The following RPS6KA2 variants were observed in gnomAD, a reference collection of about 807,000 sequenced individuals.
RPS6KA2 encodes the protein ribosomal protein S6 kinase A2, also known as ribosomal protein S6 kinase alpha-2.
Under a neutral mutation model 91.8 loss-of-function variants are expected in RPS6KA2, and 42 were observed. That is an observed-to-expected ratio of 0.46 (90% confidence interval 0.36 to 0.59). The LOEUF is 0.59. Among genes scored for constraint, RPS6KA2 ranks in the 20% least tolerant of loss-of-function variants. RPS6KA2 has a pLI of 0.00. For missense variants in RPS6KA2, 798 were observed against 978.5 expected (o/e 0.82, Z 2.46); for synonymous variants, 414 against 393.6 (o/e 1.05, Z -0.61).
intron 2 of RPS6KA2, among the ~76,000 whole-genome samples, chr6:166,681,691 C>CA (rs1554247143): frequency 1.1e-3 from 28 of 25,274 alleles, no homozygotes; most frequent in African/African-American, 6.4e-3. Context: ...CCCCTGCCCG[C>CA]CCCCCCCCCC....
At chr6:166,841,273 A>G (rs1780471009) in intron 2 of RPS6KA2, among the ~76,000 whole-genome samples, 1 of 152,202 alleles carries the variant, frequency 6.6e-6, no homozygotes, top group African/African-American at 2.4e-5. Flanking sequence ...AAAATGAAAA[A>G]TAAAAACCTG....
In RPS6KA2 at chr6:166,767,059, G is replaced by T. The variant is rs570121453; in HGVS notation, c.123+91141C>A. Among the ~76,000 whole-genome samples the T allele has an allele frequency of 1.3e-5, 2 of 152,174 alleles. No homozygotes were observed. The highest frequency in any genetic ancestry group is 2.9e-5 in the Non-Finnish European group (2 of 68,032). On this transcript the variant is annotated intron_variant, in intron 2 of 21. Coordinates refer to the RPS6KA2 transcript ENST00000503859. This position sits in a 1 kb window ranked among gnomAD's most constrained non-coding sequence, Gnocchi z 4.6. ...CTCACCGCCACGAGAGTGAATGAAGGTCCCTTCCTTACCTGGGGGCTGCCC... is the reference window on the plus strand; with the variant it reads ...CTCACCGCCACGAGAGTGAATGAAGTTCCCTTCCTTACCTGGGGGCTGCCC...
chr6:166,786,003 G>C (rs1331522917), intron 2 of RPS6KA2, among the ~76,000 whole-genome samples: 1 of 152,120 alleles, frequency 6.6e-6, no homozygotes, highest in African/African-American at 2.4e-5. Flanking sequence ...AGAAAAAAGG[G>C]GTTCTGACAA....
At chr6:166,681,699 C>G (rs2345256) in intron 2 of RPS6KA2, among the ~76,000 whole-genome samples, 4 of 62,642 alleles carry the variant, frequency 6.4e-5, no homozygotes, top group Admixed American at 4.4e-4. Flanking sequence ...CGCCCCCCCC[C>G]CCGCCCCCGC....
intron 2 of RPS6KA2, among the ~76,000 whole-genome samples, chr6:166,768,971 G>C (rs1413911766): frequency 6.6e-6 from 1 of 152,170 alleles, no homozygotes; most frequent in Non-Finnish European, 1.5e-5. Flanking sequence ...CAGGGTCCTG[G>C]CAGAAACAGC....
intron 17 of RPS6KA2, among the ~76,000 whole-genome samples, chr6:166,421,340 A>G (rs1778712230): frequency 6.6e-6 from 1 of 152,210 alleles, no homozygotes; most frequent in Non-Finnish European, 1.5e-5. Flanking sequence ...ATGCCACCCC[A>G]AAATATGCTG....
chr6:166,487,353 A>G lies in RPS6KA2; in HGVS notation c.907+1480T>C, dbSNP rs531734479. On this transcript the variant is annotated intron_variant, in intron 10 of 20. Transcript: ENST00000265678. ...GGAGCTCACCGTGTCACCTGCTCTGACGTCACCAGTGCCACGGGAGCTCAC... is the reference window on the plus strand; with the variant it reads ...GGAGCTCACCGTGTCACCTGCTCTGGCGTCACCAGTGCCACGGGAGCTCAC... 3.6e-4 allele frequency among the ~76,000 whole-genome samples: 55 copies of G among 152,104 alleles called. 1 individual carries two copies. Among genetic ancestry groups the G allele is most frequent in the African/African-American group, 1.2e-3 (51 of 41,494 alleles).
rs1453115570 is a variant in RPS6KA2, at chr6:166,665,373, T to C, written c.124-126589A>G. On this transcript the variant is annotated intron_variant, in intron 2 of 21. Coordinates refer to the RPS6KA2 transcript ENST00000503859. The surrounding 1 kb of genome is among the most constrained non-coding windows in gnomAD (Gnocchi z 4.5). ...TCTGCAGCTGCCTCTGGGCTTTGTCTGGTGTGCCTATACCCAATGTCACCC... is the reference window on the plus strand; with the variant it reads ...TCTGCAGCTGCCTCTGGGCTTTGTCCGGTGTGCCTATACCCAATGTCACCC... Among the ~76,000 whole-genome samples the C allele has an allele frequency of 6.6e-6, 1 of 152,186 alleles. No individual in the cohort carries two copies. Among genetic ancestry groups the C allele is most frequent in the African/African-American group, 2.4e-5 (1 of 41,432 alleles).
chr6:166,849,323 T>C lies in RPS6KA2; in HGVS notation c.123+8877A>G, dbSNP rs1780678379. Reference sequence around the variant, plus strand: ...CGCAGAGCACTCCCTGTCACCCTATTTCTGCACAGTACTTACCCCCGTGTG... The same window carrying C: ...CGCAGAGCACTCCCTGTCACCCTATCTCTGCACAGTACTTACCCCCGTGTG... On this transcript the variant is annotated intron_variant, in intron 2 of 21. Transcript: ENST00000503859. This position sits in a 1 kb window ranked among gnomAD's most constrained non-coding sequence, Gnocchi z 4.9. Among the ~76,000 whole-genome samples the C allele has an allele frequency of 6.6e-6, 1 of 152,214 alleles. No individual in the cohort carries two copies. Among genetic ancestry groups the C allele is most frequent in the Admixed American group, 6.5e-5 (1 of 15,288 alleles).
chr6:166,773,388 T>TAC (rs1778530333), intron 2 of RPS6KA2, among the ~76,000 whole-genome samples: 1 of 130,478 alleles, frequency 7.7e-6, no homozygotes, highest in African/African-American at 4.0e-5. Flanking sequence ...TTCTTTTCGT[T>TAC]TTTTTTTGTT....
Position 166,586,726 on chromosome 6 carries a change from A to C in RPS6KA2, c.99+40195T>G, listed in dbSNP as rs539851287. The stretch of plus-strand genomic sequence containing the variant: ...CCATGAACTAGTCCATATATATACC[A>C]GAGGAGGAAAGAAAAAGAATGACCA... On this transcript the variant is annotated intron_variant, in intron 1 of 20. Transcript: ENST00000265678. 7.9e-4 allele frequency among the ~76,000 whole-genome samples: 120 copies of C among 152,322 alleles called. 1 individual carries two copies. Among genetic ancestry groups the C allele is most frequent in the African/African-American group, 2.8e-3 (116 of 41,586 alleles).
At chr6:166,415,897 C>G (rs534861592) in intron 19 of RPS6KA2, among the ~76,000 whole-genome samples, 91 of 151,238 alleles carry the variant, frequency 6.0e-4, no homozygotes, top group African/African-American at 2.1e-3. Flanking sequence ...ATCACCTCCA[C>G]AATCATCCTC....
intron 2 of RPS6KA2, among the ~76,000 whole-genome samples, chr6:166,747,300 C>T (rs577240404): frequency 2.2e-4 from 34 of 152,254 alleles, no homozygotes; most frequent in African/African-American, 7.7e-4. Flanking sequence ...ATCACTTCAC[C>T]GATTCCAAGG....
chr6:166,604,289 T>C (rs1431197561), intron 1 of RPS6KA2, among the ~76,000 whole-genome samples: 1 of 152,072 alleles, frequency 6.6e-6, no homozygotes, highest in African/African-American at 2.4e-5. Context: ...AACAGCTCAC[T>C]AATAAAAAAT....
intron 19 of RPS6KA2, among the ~76,000 whole-genome samples, chr6:166,416,105 A>ACCACC (rs1778502003): frequency 7.3e-6 from 1 of 137,042 alleles, no homozygotes; most frequent in Non-Finnish European, 1.5e-5. Flanking sequence ...CACCTCCACC[A>ACCACC]TCCACCCTCA....
In RPS6KA2 at chr6:166,612,411, G is replaced by A. The variant is rs1252055881; in HGVS notation, c.99+14510C>T. Among the ~76,000 whole-genome samples the A allele has an allele frequency of 6.6e-6, 1 of 152,162 alleles. No individual in the cohort carries two copies. The highest frequency in any genetic ancestry group is 1.5e-5 in the Non-Finnish European group (1 of 68,028). ...TGTAGTTTTCCTTAGGAGAAAGATG[G>A]CATGCACCCCTGGGTCACCTGGCAA... On this transcript the variant is annotated intron_variant, in intron 1 of 20. Transcript: ENST00000265678. This position sits in a 1 kb window ranked among gnomAD's most constrained non-coding sequence, Gnocchi z 4.3.
intron 2 of RPS6KA2, among the ~76,000 whole-genome samples, chr6:166,810,540 A>G (rs1779603604): frequency 1.3e-5 from 2 of 152,196 alleles, no homozygotes; most frequent in South Asian, 4.1e-4. Flanking sequence ...AAAAAAAAGT[A>G]TCTTAAATAG....
At chr6:166,824,427 C>G (rs1377051224) in intron 2 of RPS6KA2, among the ~76,000 whole-genome samples, 1 of 152,224 alleles carries the variant, frequency 6.6e-6, no homozygotes, top group Non-Finnish European at 1.5e-5. Flanking sequence ...TGCAAGATGC[C>G]TGGGGGACAT....
At chr6:166,505,887 C>T (rs779921092) in intron 5 of RPS6KA2, among the ~76,000 whole-genome samples, 18 of 152,242 alleles carry the variant, frequency 1.2e-4, no homozygotes, top group Non-Finnish European at 2.2e-4. Context: ...TTTCCTCTGA[C>T]TTGACATATC....
Sources: gnomAD v4.1 joint callset for allele counts (sites outside exome capture counted in the v4.1 genomes callset) on GRCh38, gnomAD v4.1.1 for gene constraint, Gnocchi (gnomAD v3.1) non-coding constraint, MANE v1.5 for transcripts, NCBI Gene and HGNC (gene_info 2026-07-23, HGNC 2026-07-21) for gene names.